UBE2E1: variants seen among roughly 807,000 people sequenced by gnomAD.
UBE2E1 encodes the protein ubiquitin conjugating enzyme E2 E1.
A neutral mutation model predicts 21.4 loss-of-function variants in UBE2E1; 6 were observed. That is an observed-to-expected ratio of 0.28 (90% CI 0.15 to 0.55). UBE2E1 has a LOEUF of 0.55. UBE2E1 is among the 20% of genes least tolerant of loss of function. The pLI, the probability that UBE2E1 is intolerant of heterozygous loss-of-function variation, is 0.93. For synonymous variants in UBE2E1, 87 were observed against 82.7 expected (o/e 1.05, Z -0.28); for missense variants, 142 against 236.5 (o/e 0.60, Z 2.62).
intron 3 of UBE2E1, among the ~76,000 whole-genome samples, chr3:23,884,014 C>CCT (rs1701117841): frequency 6.6e-6 from 1 of 152,030 alleles, no homozygotes; most frequent in South Asian, 2.1e-4. Context: ...GTTAGGGATC[C>CCT]CTCACTACTG....
intron 3 of UBE2E1, among the ~76,000 whole-genome samples, chr3:23,813,370 A>AT (rs1699443999): frequency 6.6e-6 from 1 of 152,148 alleles, no homozygotes; most frequent in African/African-American, 2.4e-5. Context: ...GTGAATTAAA[A>AT]TTTTTACTTT....
At chr3:23,849,445 C>G (rs1198179291) in intron 3 of UBE2E1, among the ~76,000 whole-genome samples, 1 of 152,040 alleles carries the variant, frequency 6.6e-6, no homozygotes, top group Non-Finnish European at 1.5e-5. Flanking sequence ...ACCTATCAAC[C>G]TGTCATCTAG....
At chr3:23,875,879 T>C (rs1700904294) in intron 3 of UBE2E1, among the ~76,000 whole-genome samples, 1 of 152,220 alleles carries the variant, frequency 6.6e-6, no homozygotes, top group Non-Finnish European at 1.5e-5. Context: ...TTCAAGCGAT[T>C]CTCCTGCCTC....
chr3:23,890,417 T>C (rs1701371375), intron 5 of UBE2E1, 92 bp from the exon 6 acceptor site: 1 of 1,184,642 alleles, frequency 8.4e-7, no homozygotes, highest in Non-Finnish European at 1.2e-6. Flanking sequence ...ACACATACTT[T>C]GTCGTACGTA....
rs549304915 is a variant in UBE2E1 at position 23,863,581 on chromosome 3, A to G, written c.204-23986A>G. Among the ~76,000 whole-genome samples, 15 of 152,234 alleles carry G rather than the reference A, an allele frequency of 9.9e-5. No homozygotes were observed. Among genetic ancestry groups the G allele is most frequent in the African/African-American group, 3.6e-4 (15 of 41,534 alleles). ...GTTTCGCTCTTGTTGCGCAGGCTGGAGTGCAGTGGCGCGATCTCAACTCAC... is the reference window on the plus strand; with the variant it reads ...GTTTCGCTCTTGTTGCGCAGGCTGGGGTGCAGTGGCGCGATCTCAACTCAC... On this transcript the variant is annotated intron_variant, in intron 3 of 5. Coordinates refer to ENST00000306627, the MANE Select transcript of UBE2E1 (RefSeq NM_003341.5). This position sits in a 1 kb window ranked among gnomAD's most constrained non-coding sequence, Gnocchi z 4.3.
At position 23,863,443 on chromosome 3, in the gene UBE2E1, T is replaced by A. The variant is rs1423255680; in HGVS notation, c.204-24124T>A. Among the ~76,000 whole-genome samples the A allele has an allele frequency of 6.6e-6, 1 of 152,178 alleles. No individual in the cohort carries two copies. The highest frequency in any genetic ancestry group is 1.9e-4 in the East Asian group (1 of 5,200). Reference sequence around the variant, plus strand: ...TCCCTACCCACTACATATATATACTTGTCACAAATTCAACCCCAGATGCCT... The same window carrying A: ...TCCCTACCCACTACATATATATACTAGTCACAAATTCAACCCCAGATGCCT... On this transcript the variant is annotated intron_variant, in intron 3 of 5. Coordinates refer to ENST00000306627, the MANE Select transcript of UBE2E1 (RefSeq NM_003341.5). This position sits in a 1 kb window ranked among gnomAD's most constrained non-coding sequence, Gnocchi z 4.3.
intron 3 of UBE2E1, among the ~76,000 whole-genome samples, chr3:23,856,582 A>T (rs1700442502): frequency 6.6e-6 from 1 of 152,038 alleles, no homozygotes; most frequent in African/African-American, 2.4e-5. Flanking sequence ...TCTCCCTTTC[A>T]TCACCCATTA....
At chr3:23,840,088 T>A (rs1456217509) in intron 3 of UBE2E1, among the ~76,000 whole-genome samples, 1 of 152,158 alleles carries the variant, frequency 6.6e-6, no homozygotes, top group African/African-American at 2.4e-5. Flanking sequence ...TGCTGTTAAT[T>A]TCAGTATATG....
chr3:23,834,170 T>C (rs1204641263), intron 3 of UBE2E1, among the ~76,000 whole-genome samples: 24 of 152,236 alleles, frequency 1.6e-4, no homozygotes, highest in Admixed American at 1.6e-3. Context: ...TTTGTGATAG[T>C]CATACAGTTT....
intron 3 of UBE2E1, among the ~76,000 whole-genome samples, chr3:23,861,853 C>T (rs975075944): frequency 5.9e-5 from 9 of 152,226 alleles, no homozygotes; most frequent in Admixed American, 3.3e-4. Flanking sequence ...AATAAAACCT[C>T]GCACTCATTC....
At chr3:23,885,255 C>A (rs1038943164) in intron 3 of UBE2E1, among the ~76,000 whole-genome samples, 1 of 152,162 alleles carries the variant, frequency 6.6e-6, no homozygotes, top group Non-Finnish European at 1.5e-5. Flanking sequence ...AACCCAGTAC[C>A]TTCAAAGGCT....
intron 3 of UBE2E1, among the ~76,000 whole-genome samples, chr3:23,882,742 G>A (rs1278046013): frequency 6.6e-6 from 1 of 152,236 alleles, no homozygotes; most frequent in Admixed American, 6.5e-5. Context: ...TGGCACTGCT[G>A]GGGGACCAGG....
At chr3:23,871,586 G>C (rs1252334381) in intron 3 of UBE2E1, among the ~76,000 whole-genome samples, 1 of 151,842 alleles carries the variant, frequency 6.6e-6, no homozygotes, top group Non-Finnish European at 1.5e-5. Flanking sequence ...CGGGGTGGCT[G>C]CCGGGCAGAG....
chr3:23,844,071 A>T (rs1032170886), intron 3 of UBE2E1, among the ~76,000 whole-genome samples: 1 of 152,140 alleles, frequency 6.6e-6, no homozygotes, highest in African/African-American at 2.4e-5. Flanking sequence ...GAGTATGTAA[A>T]AATAATTTGT....
intron 3 of UBE2E1, among the ~76,000 whole-genome samples, chr3:23,830,874 T>C (rs1213429010): frequency 6.6e-6 from 1 of 152,238 alleles, no homozygotes; most frequent in Non-Finnish European, 1.5e-5. Context: ...GGTCAAGTTT[T>C]GTTCTAAGGA....
In UBE2E1 at chr3:23,887,813, T is replaced by A; in HGVS notation, c.336+114T>A. 1 of 1,350,966 alleles carries A rather than the reference T, an allele frequency of 7.4e-7. No homozygotes were observed. The highest frequency in any genetic ancestry group is 9.9e-7 in the Non-Finnish European group (1 of 1,006,670). 83.7% of individuals were successfully genotyped at this position (1,350,966 alleles called of 1,614,324 possible). ...AAACTAGATTTATCTTATGTCCTAA[T>A]AGATCTGAGTATTTTAACATATACA... On this transcript the variant is annotated intron_variant, in intron 4 of 5. Transcript: ENST00000306627. This position sits in a 1 kb window ranked among gnomAD's most constrained non-coding sequence, Gnocchi z 4.4.
intron 3 of UBE2E1, among the ~76,000 whole-genome samples, chr3:23,869,877 G>A (rs916509448): frequency 2.6e-5 from 4 of 152,064 alleles, no homozygotes; most frequent in Non-Finnish European, 5.9e-5. Flanking sequence ...GCTGCTCTTG[G>A]GGGGAGTGTT....
chr3:23,850,929 A>T (rs1575015522), intron 3 of UBE2E1, among the ~76,000 whole-genome samples: 1 of 144,780 alleles, frequency 6.9e-6, no homozygotes, highest in Non-Finnish European at 1.5e-5. Flanking sequence ...CAAGCAGTTT[A>T]CCTGCCTCAG....
At chr3:23,889,899 A>T (rs13434359) in intron 5 of UBE2E1, 8 of 181,350 alleles carry the variant, frequency 4.4e-5, no homozygotes, top group Non-Finnish European at 5.3e-5. Context: ...TGTCTCAAAA[A>T]ATATATATAT....
Sources: allele counts gnomAD v4.1 joint callset (sites outside exome capture counted in the v4.1 genomes callset), GRCh38; gene constraint gnomAD v4.1.1; non-coding constraint Gnocchi (gnomAD v3.1); transcripts MANE v1.5; gene names NCBI Gene and HGNC (gene_info 2026-07-23, HGNC 2026-07-21).